Variants in LIPK observed in about 807,000 individuals in gnomAD.
LIPK encodes lipase family member K.
In LIPK, 32 loss-of-function variants were observed where a neutral mutation model predicts 48.6. The ratio of observed to expected loss-of-function variants is 0.66; its 90% CI spans 0.50 to 0.88. The LOEUF (loss-of-function observed/expected upper bound fraction) is 0.88. Among genes scored for constraint, LIPK ranks in the 40% least tolerant of loss-of-function variants. The probability of loss-of-function intolerance (pLI) is 0.00; values close to 1 mark genes in which losing one functional copy is unlikely to be tolerated. For synonymous variants in LIPK, 164 were observed against 157.4 expected (o/e 1.04, Z -0.32); for missense variants, 507 against 478.5 (o/e 1.06, Z -0.56).
chr10:88,735,613 A>G (rs1842556347), intron 6 of LIPK, among the ~76,000 whole-genome samples: 1 of 152,278 alleles, frequency 6.6e-6, no homozygotes, highest in African/African-American at 2.4e-5. Flanking sequence ...AAACCAGCCC[A>G]TGTTCTGCTT....
intron 1 of LIPK, among the ~76,000 whole-genome samples, chr10:88,720,188 T>C (rs1218833738): frequency 1.3e-5 from 2 of 152,222 alleles, no homozygotes; most frequent in African/African-American, 4.8e-5. Context: ...TCCACTGTCA[T>C]GTAGAGCATC....
At chr10:88,713,603 T>C (rs1485203466) in intron 1 of LIPK, among the ~76,000 whole-genome samples, 4 of 152,196 alleles carry the variant, frequency 2.6e-5, no homozygotes, top group African/African-American at 4.8e-5. Flanking sequence ...GTGGGTTTTG[T>C]GTAGACTAGT....
intron 8 of LIPK, 60 bp downstream of exon 8, chr10:88,740,127 C>T: frequency 3.0e-6 from 4 of 1,353,166 alleles, no homozygotes; most frequent in Non-Finnish European, 4.1e-6. Context: ...TCAAGAAGTG[C>T]TCTCAGAGAG....
intron 1 of LIPK, among the ~76,000 whole-genome samples, chr10:88,711,363 A>G (rs980358460): frequency 3.3e-5 from 5 of 152,160 alleles, no homozygotes; most frequent in Admixed American, 2.6e-4. Context: ...TTACCTAGTT[A>G]CCCTTTGTGT....
At position 88,743,925 on chromosome 10, in the gene LIPK, T is replaced by C. The variant is rs143392929; in HGVS notation, c.960+604T>C. ...CATTTGAGCTAGTAGGCAGAGCTGT[T>C]TGGGGAGTTGGCAGGGACAGGACTC... is the stretch of plus-strand genomic sequence containing the variant. On this transcript the variant is annotated intron_variant, in intron 9 of 9. Coordinates refer to ENST00000404190, the MANE Select transcript of LIPK (RefSeq NM_001080518.2). Among the ~76,000 whole-genome samples the C allele has an allele frequency of 2.7e-4, 41 of 152,250 alleles. 1 individual carries two copies. The East Asian group carries it at 6.4e-3, about 24-fold the overall frequency.
chr10:88,742,377 G>A (rs1215107591), intron 8 of LIPK, among the ~76,000 whole-genome samples: 1 of 152,180 alleles, frequency 6.6e-6, no homozygotes, highest in African/African-American at 2.4e-5. Context: ...ATCATGATGA[G>A]AATAATTTTA....
At position 88,752,463 on chromosome 10, in the gene LIPK, T is replaced by C; in HGVS notation, c.961-54T>C. 3 of 1,321,800 alleles carry C rather than the reference T, an allele frequency of 2.3e-6. No homozygotes were observed. The South Asian group carries it at 3.9e-5, about 17-fold the overall frequency. 81.9% of individuals were successfully genotyped at this position (1,321,800 alleles called of 1,614,324 possible). A position where few individuals can be genotyped will look rare whatever the true frequency, so the allele number is the denominator to read the frequency against. On this transcript the variant is annotated intron_variant, in intron 9 of 9. Transcript: ENST00000404190. ...TCAACAGCTGACAGTTAATGTTACT[T>C]CTATAATGTAATATTCTGTAAAAAC...
At chr10:88,736,740 T>C (rs987158441) in intron 6 of LIPK, among the ~76,000 whole-genome samples, 2 of 152,226 alleles carry the variant, frequency 1.3e-5, no homozygotes, top group Admixed American at 6.5e-5. Flanking sequence ...CATAATGGAT[T>C]CTTGGTTCTC....
At chr10:88,706,825 C>T (rs1053848141) in intron 1 of LIPK, among the ~76,000 whole-genome samples, 1 of 152,104 alleles carries the variant, frequency 6.6e-6, no homozygotes, top group Non-Finnish European at 1.5e-5. Context: ...GACACAACTG[C>T]TTATGAAATC....
At chr10:88,724,162 C>T (rs1842287940) in intron 1 of LIPK, among the ~76,000 whole-genome samples, 1 of 152,066 alleles carries the variant, frequency 6.6e-6, no homozygotes, top group Admixed American at 6.6e-5. Context: ...GAAAAAAGTA[C>T]CAACCAATCT....
chr10:88,720,537 G>C (rs1308622954), intron 1 of LIPK, among the ~76,000 whole-genome samples: 4 of 152,088 alleles, frequency 2.6e-5, no homozygotes, highest in African/African-American at 9.7e-5. Flanking sequence ...TTTTAAAAAA[G>C]ACGGCAGAAA....
chr10:88,737,106 G>T (rs189033698), intron 6 of LIPK, among the ~76,000 whole-genome samples: 18 of 152,156 alleles, frequency 1.2e-4, no homozygotes, highest in Admixed American at 8.5e-4. Context: ...TGGAAGGAAT[G>T]GCTCAAGTCT....
intron 9 of LIPK, 125 bp downstream of exon 9, chr10:88,743,446 G>T: frequency 1.6e-6 from 1 of 641,150 alleles, no homozygotes; most frequent in Non-Finnish European, 2.7e-6. Context: ...TGTTCTCACA[G>T]GCTGCTTATT....
At position 88,732,270 on chromosome 10, in the gene LIPK, C is replaced by A. The variant is rs1255145805; in HGVS notation, c.515C>A (p.Ser172Ter). The change falls in exon 5 of 10, where the codon TCA (serine) becomes TAA (stop). Residue 172 changes from serine to a stop codon, truncating the protein, a stop_gained. Coordinates refer to ENST00000404190, the MANE Select transcript of LIPK (RefSeq NM_001080518.2). LOFTEE classifies it high-confidence loss of function. ...AAGCGACTCTACTACGTGGGCCACT[C>A]ACAAGGCACCACCATAGGTGTGTTT... ...GQKRLYYVGH[S>*]QGTTIAFIAF... The A allele has an allele frequency of 6.2e-7, 1 of 1,613,474 alleles. No individual in the cohort carries two copies. Among genetic ancestry groups the A allele is most frequent in the Admixed American group, 1.7e-5 (1 of 59,924 alleles).
chr10:88,725,243 GT>G (rs930849293), intron 2 of LIPK, among the ~76,000 whole-genome samples: 10 of 152,032 alleles, frequency 6.6e-5, no homozygotes, highest in Admixed American at 3.9e-4. Flanking sequence ...AACTGCCAAA[GT>G]TTTTTTTCAT....
At chr10:88,712,623 G>C (rs1842046330) in intron 1 of LIPK, among the ~76,000 whole-genome samples, 1 of 151,964 alleles carries the variant, frequency 6.6e-6, no homozygotes, top group African/African-American at 2.4e-5. Flanking sequence ...TCCATACTCT[G>C]AATCATCTGA....
At chr10:88,732,767 A>G (rs1005995460) in intron 6 of LIPK, among the ~76,000 whole-genome samples, 6 of 152,244 alleles carry the variant, frequency 3.9e-5, no homozygotes, top group Non-Finnish European at 8.8e-5. Flanking sequence ...ATCTATGTCT[A>G]GAAACGTGTC....
intron 3 of LIPK, among the ~76,000 whole-genome samples, chr10:88,727,270 C>T (rs751578662): frequency 7.2e-5 from 11 of 152,206 alleles, no homozygotes; most frequent in Admixed American, 1.3e-4. Flanking sequence ...AACCTATCAT[C>T]GCCATCTATC....
intron 1 of LIPK, among the ~76,000 whole-genome samples, chr10:88,714,769 T>C (rs1842086272): frequency 6.6e-6 from 1 of 152,116 alleles, no homozygotes; most frequent in South Asian, 2.1e-4. Flanking sequence ...CTATTTTTCC[T>C]TGATTAGTTT....
Sources: gnomAD v4.1 joint callset for allele counts (sites outside exome capture counted in the v4.1 genomes callset) on GRCh38, gnomAD v4.1.1 for gene constraint, MANE v1.5 for transcripts, NCBI Gene and HGNC (gene_info 2026-07-23, HGNC 2026-07-21) for gene names.